Variants in TRMT61B observed in about 807,000 individuals in gnomAD.
TRMT61B encodes the protein tRNA methyltransferase 61B.
Under a neutral mutation model 52.0 loss-of-function variants are expected in TRMT61B, and 56 were observed. The observed-to-expected ratio is 1.08, with a 90% CI of 0.87 to 1.35. TRMT61B has a LOEUF of 1.35. Ranked by LOEUF, TRMT61B falls within the 40% of genes most tolerant of loss-of-function variation. The pLI, the probability that TRMT61B is intolerant of heterozygous loss-of-function variation, is 0.00. For synonymous variants in TRMT61B, 206 were observed against 220.0 expected (o/e 0.94, Z 0.56); for missense variants, 650 against 577.9 (o/e 1.12, Z -1.28).
At position 28,850,104 on chromosome 2, in the gene TRMT61B, C is replaced by A; in HGVS notation, c.*95G>T. Reference sequence around the variant, plus strand: ...TAAGTTATATAAGTCATAGTAATAGCTAAAAATGCCAATCTATGGAAGCAG... The same window carrying A: ...TAAGTTATATAAGTCATAGTAATAGATAAAAATGCCAATCTATGGAAGCAG... On this transcript the variant is annotated 3_prime_UTR_variant, in exon 7 of 7. Transcript: ENST00000306108. The A allele has an allele frequency of 7.8e-7, 1 of 1,276,616 alleles. No individual in the cohort carries two copies. The highest frequency in any genetic ancestry group is 1.3e-5 in the South Asian group (1 of 76,808). The allele number at this position is 1,276,616 out of a possible 1,614,324, so 79.1% of individuals were successfully genotyped here. A position where few individuals can be genotyped will look rare whatever the true frequency, so the allele number is the denominator to read the frequency against.
intron 5 of TRMT61B, 187 bp from the exon 6 acceptor site, chr2:28,850,592 A>G (rs1237605358): frequency 9.5e-6 from 5 of 526,306 alleles, no homozygotes; most frequent in Non-Finnish European, 1.3e-5. Context: ...TGTAATAAAC[A>G]TATGATTTTA....
chr2:28,849,939 T>A lies in TRMT61B; in HGVS notation c.*260A>T. 1 of 1,584,574 alleles carries A rather than the reference T, an allele frequency of 6.3e-7. No homozygotes were observed. Among genetic ancestry groups the A allele is most frequent in the Middle Eastern group, 1.7e-4 (1 of 5,998 alleles). ...GGAGTGGTTTACAGGAAGTGAAGAA[T>A]GAGATGGCCCAACTAAACCAATTTG... On this transcript the variant is annotated 3_prime_UTR_variant, in exon 7 of 7. Coordinates refer to ENST00000306108, the MANE Select transcript of TRMT61B (RefSeq NM_017910.4).
At position 28,870,256 on chromosome 2, in the gene TRMT61B, C is replaced by A. The variant is rs771046013; in HGVS notation, c.22G>T (p.Gly8Cys). The A allele has an allele frequency of 1.3e-6, 2 of 1,596,982 alleles. No homozygotes were observed. Among genetic ancestry groups the A allele is most frequent in the Non-Finnish European group, 1.7e-6 (2 of 1,173,510 alleles). MLMAWCR[G>C]PVLLCLRQGL... Reference sequence around the variant, plus strand: ...TGCCGCAGGCACAGCAAGACAGGACCGCGGCACCATGCCATTAGCATAGTG... The same window carrying A: ...TGCCGCAGGCACAGCAAGACAGGACAGCGGCACCATGCCATTAGCATAGTG... The change falls in exon 1 of 7, where the codon GGT becomes TGT. Residue 8 changes from glycine (G) to cysteine (C), a missense_variant. Gly to Cys is a radical substitution (Grantham distance 159, BLOSUM62 -3). Coordinates refer to ENST00000306108, the MANE Select transcript of TRMT61B (RefSeq NM_017910.4).
chr2:28,861,520 G>C, intron 2 of TRMT61B: 1 of 503,052 alleles, frequency 2.0e-6, no homozygotes, highest in Non-Finnish European at 3.5e-6. Context: ...TCCCATGATA[G>C]TCACTGCCTA....
Position 28,865,205 on chromosome 2 carries a change from G to A in TRMT61B, c.700-86C>T. On this transcript the variant is annotated intron_variant, in intron 1 of 6. Transcript: ENST00000306108. ...CTTATCTTACATTGTTGGGTGTGCA[G>A]AAGAAGGGAGTGAAAAAACGAATCA... The A allele has an allele frequency of 4.2e-6, 3 of 719,448 alleles. No homozygotes were observed. In the Admixed American group the frequency reaches 7.3e-5, roughly 18 times the overall value. The allele number at this position is 719,448 out of a possible 1,614,324, so 44.6% of individuals were successfully genotyped here.
intron 3 of TRMT61B, among the ~76,000 whole-genome samples, chr2:28,856,071 T>C (rs1340610028): frequency 1.3e-5 from 2 of 152,196 alleles, no homozygotes; most frequent in Non-Finnish European, 2.9e-5. Context: ...AGTTTTACTA[T>C]ATTATTGACA....
At chr2:28,856,956 CAG>C (rs1669372114) in intron 3 of TRMT61B, among the ~76,000 whole-genome samples, 2 of 151,792 alleles carry the variant, frequency 1.3e-5, no homozygotes, top group African/African-American at 2.4e-5. Context: ...ATTTTTGAGA[CAG>C]AGTCTTGCTC....
chr2:28,861,030 G>T, intron 3 of TRMT61B, 88 bp downstream of exon 3: 1 of 1,116,284 alleles, frequency 9.0e-7, no homozygotes, highest in Non-Finnish European at 1.3e-6. Context: ...AGCAAACGAA[G>T]GAAGACCTTT....
intron 3 of TRMT61B, among the ~76,000 whole-genome samples, chr2:28,860,084 C>T (rs1366030450): frequency 6.6e-6 from 1 of 151,566 alleles, no homozygotes; most frequent in Admixed American, 6.6e-5. Context: ...CCAGCCTGGC[C>T]AACATGGTGA....
chr2:28,857,167 C>T (rs1251679990), intron 3 of TRMT61B, among the ~76,000 whole-genome samples: 1 of 152,130 alleles, frequency 6.6e-6, no homozygotes, highest in Non-Finnish European at 1.5e-5. Context: ...CTCCTGACCT[C>T]AAGTGATCCA....
intron 2 of TRMT61B, among the ~76,000 whole-genome samples, chr2:28,864,120 A>C (rs1205915010): frequency 5.3e-5 from 8 of 152,180 alleles, no homozygotes. Context: ...TTCTGGAAAA[A>C]AAAAAGATAA....
chr2:28,869,687 G>A lies in TRMT61B; in HGVS notation c.591C>T (p.Pro197=), dbSNP rs1201033372. 1.2e-6 allele frequency: 2 copies of A among 1,614,096 alleles called. No individual in the cohort carries two copies. Among genetic ancestry groups the A allele is most frequent in the South Asian group, 2.2e-5 (2 of 91,082 alleles). The change falls in exon 1 of 7, where the codon CCC becomes CCT. Residue 197 remains proline, a synonymous_variant. Transcript: ENST00000306108. ...CGAAGGAACTCCTCAGTATCTGGCCGGGGAACTTCCCCACGATCTTGCCGA... is the reference window on the plus strand; with the variant it reads ...CGAAGGAACTCCTCAGTATCTGGCCAGGGAACTTCCCCACGATCTTGCCGA... ...VPFGKIVGKF[P]GQILRSSFGK...
rs183081948 is a variant in TRMT61B, at chr2:28,856,727, C to T, written c.994-4228G>A. On this transcript the variant is annotated intron_variant, in intron 3 of 6. Coordinates refer to ENST00000306108, the MANE Select transcript of TRMT61B (RefSeq NM_017910.4). ...GTAGCTCACTGCAACCTCCGCCTCC[C>T]GGTTTCCAGAGATTCTCTTGCCTCA... 1.4e-3 allele frequency among the ~76,000 whole-genome samples: 209 copies of T among 152,134 alleles called. 1 individual carries two copies. The highest frequency in any genetic ancestry group is 2.4e-3 in the Non-Finnish European group (165 of 67,964).
At position 28,851,390 on chromosome 2, in the gene TRMT61B, C is replaced by T. The variant is rs113783200; in HGVS notation, c.1086-92G>A. On this transcript the variant is annotated intron_variant, in intron 4 of 6. Coordinates refer to ENST00000306108, the MANE Select transcript of TRMT61B (RefSeq NM_017910.4). ...ATACCTCTTGCCCACATTTAAATACCATAGTTAAATTAAGGCAGGAGAGGG... is the reference window on the plus strand; with the variant it reads ...ATACCTCTTGCCCACATTTAAATACTATAGTTAAATTAAGGCAGGAGAGGG... The T allele has an allele frequency of 3.0e-3, 2,613 of 861,456 alleles. 20 individuals are homozygous for T. Among genetic ancestry groups the T allele is most frequent in the African/African-American group, 0.019 (1,074 of 57,818 alleles). The allele number at this position is 861,456 out of a possible 1,614,324, so 53.4% of individuals were successfully genotyped here. A position where few individuals can be genotyped will look rare whatever the true frequency, so the allele number is the denominator to read the frequency against.
At chr2:28,854,591 T>C (rs928624090) in intron 3 of TRMT61B, among the ~76,000 whole-genome samples, 1 of 151,780 alleles carries the variant, frequency 6.6e-6, no homozygotes, top group South Asian at 2.1e-4. Context: ...AATACAAAAA[T>C]TAGCCAGGTA....
In TRMT61B at chr2:28,870,017, G is replaced by GT. The variant is rs763415082; in HGVS notation, c.260dup (p.Asn87LysfsTer74). On this transcript the variant is annotated frameshift_variant, in exon 1 of 7. Coordinates refer to ENST00000306108, the MANE Select transcript of TRMT61B (RefSeq NM_017910.4). LOFTEE classifies it high-confidence loss of function. ...CTTCCCGCAGCGTCGGCAGTCTGAG[G>GT]TTTTCCAGTGACGAAAGACATCCAG... The GT allele has an allele frequency of 1.9e-6, 3 of 1,613,738 alleles. No individual in the cohort carries two copies. Among genetic ancestry groups the GT allele is most frequent in the Middle Eastern group, 1.6e-4 (1 of 6,062 alleles).
At chr2:28,858,902 TG>T (rs1669470620) in intron 3 of TRMT61B, among the ~76,000 whole-genome samples, 1 of 150,986 alleles carries the variant, frequency 6.6e-6, no homozygotes, top group African/African-American at 2.4e-5. Context: ...ATTTCTTTTC[TG>T]TTTTTTTTGA....
intron 2 of TRMT61B, among the ~76,000 whole-genome samples, chr2:28,864,026 A>G (rs141099629): frequency 3.2e-4 from 48 of 152,250 alleles, no homozygotes; most frequent in African/African-American, 1.1e-3. Flanking sequence ...GAAAAAATAT[A>G]TATGTTTAAT....
intron 3 of TRMT61B, among the ~76,000 whole-genome samples, chr2:28,858,110 G>C (rs950408286): frequency 6.8e-6 from 1 of 146,526 alleles, no homozygotes; most frequent in African/African-American, 2.5e-5. Flanking sequence ...GCGCCATCTC[G>C]GCTCACTGCA....
Sources: gnomAD v4.1 joint callset for allele counts (sites outside exome capture counted in the v4.1 genomes callset) on GRCh38, gnomAD v4.1.1 for gene constraint, MANE v1.5 for transcripts, NCBI Gene and HGNC (gene_info 2026-07-23, HGNC 2026-07-21) for gene names.